The following N4BP2 variants were observed in gnomAD, a reference collection of about 807,000 sequenced individuals.
The protein encoded by N4BP2 is NEDD4-binding protein 2.
N4BP2 carries 91 observed loss-of-function variants against 152.8 expected under a neutral mutation model. The ratio of observed to expected loss-of-function variants is 0.60; its 90% CI spans 0.50 to 0.71. The LOEUF (loss-of-function observed/expected upper bound fraction) is 0.71. Ranked by LOEUF, N4BP2 falls within the 30% of genes least tolerant of loss-of-function variation. The pLI is 0.00. For missense variants in N4BP2, 1,923 were observed against 2,059.1 expected, an observed-to-expected ratio of 0.93 and a Z score of 1.28; for synonymous variants, 646 against 705.3, an observed-to-expected ratio of 0.92 and a Z score of 1.33.
At chr4:40,126,755 G>A (rs1315304692) in intron 12 of N4BP2, among the ~76,000 whole-genome samples, 1 of 151,790 alleles carries the variant, frequency 6.6e-6, no homozygotes, top group South Asian at 2.1e-4. Context: ...ACCATGCCTG[G>A]GTATTTTTAT....
At chr4:40,173,108 A>G in the N4BP2 span, among the ~76,000 whole-genome samples, 1 of 151,952 alleles carries the variant, frequency 6.6e-6, no homozygotes, top group Non-Finnish European at 1.5e-5. Context: ...ATCTAACTCT[A>G]CTATCACCAT....
intron 2 of N4BP2, among the ~76,000 whole-genome samples, chr4:40,087,883 C>T (rs899784440): frequency 2.6e-5 from 4 of 151,890 alleles, no homozygotes; most frequent in African/African-American, 4.8e-5. Flanking sequence ...TACAGGCATG[C>T]GCCACAATGC....
chr4:40,169,166 T>C, the N4BP2 span, among the ~76,000 whole-genome samples: 2 of 152,026 alleles, frequency 1.3e-5, no homozygotes, highest in African/African-American at 4.8e-5. Flanking sequence ...GGGGATCATC[T>C]GAGGTCAGGA....
At chr4:40,108,691 A>G (rs1279723156) in intron 5 of N4BP2, among the ~76,000 whole-genome samples, 1 of 152,214 alleles carries the variant, frequency 6.6e-6, no homozygotes, top group Non-Finnish European at 1.5e-5. Flanking sequence ...CATCATAGGT[A>G]AAAATTTAGT....
rs531530348 is a variant in N4BP2, at chr4:40,074,038, C to G, written c.-115+487C>G. 7.9e-5 allele frequency among the ~76,000 whole-genome samples: 12 copies of G among 151,820 alleles called. No homozygotes were observed. The South Asian group carries it at 2.3e-3, about 29-fold the overall frequency. On this transcript the variant is annotated intron_variant, in intron 2 of 17. Coordinates refer to ENST00000261435, the MANE Select transcript of N4BP2 (RefSeq NM_018177.6). ...AACTCCCAACCTCAGGTGATCCGCC[C>G]GCCTCAGCCTCCCAAAGTACTGGGA... is the stretch of plus-strand genomic sequence containing the variant.
chr4:40,137,864 C>T (rs563901191), intron 14 of N4BP2, among the ~76,000 whole-genome samples: 2 of 152,300 alleles, frequency 1.3e-5, no homozygotes, highest in South Asian at 4.1e-4. Flanking sequence ...GGGACTTCCC[C>T]TGGTTGTCTG....
At position 40,103,000 on chromosome 4, in the gene N4BP2, C is replaced by A. The variant is rs778070236; in HGVS notation, c.1155C>A (p.Thr385=). 3 of 1,613,994 alleles carry A rather than the reference C, an allele frequency of 1.9e-6. No individual in the cohort carries two copies. The South Asian group carries it at 3.3e-5, about 18-fold the overall frequency. ...ATGGCTTTGTAGCTCCTGTTGTAAC[C>A]ACAGCTGCACACTGGAGATCTGTCA... is the stretch of plus-strand genomic sequence containing the variant. The part of the protein sequence containing the change: ...GNHGFVAPVV[T]TAAHWRSVNY... Residue 385 remains threonine, a synonymous_variant, in exon 4 of 18, where the codon ACC becomes ACA. Coordinates refer to ENST00000261435, the MANE Select transcript of N4BP2 (RefSeq NM_018177.6).
chr4:40,145,706 A>G (rs1720451496), intron 16 of N4BP2, among the ~76,000 whole-genome samples: 1 of 152,224 alleles, frequency 6.6e-6, no homozygotes, highest in Non-Finnish European at 1.5e-5. Context: ...TACTCAATAA[A>G]TATTTGATTA....
chr4:40,092,043 T>TATATAG (rs1714653812), intron 2 of N4BP2, among the ~76,000 whole-genome samples: 1 of 108,142 alleles, frequency 9.2e-6, no homozygotes, highest in South Asian at 3.0e-4. Context: ...TATATATATA[T>TATATAG]ATAGCTGAAT....
rs1279971574 is a variant in N4BP2 at position 40,142,696 on chromosome 4, A to G, written c.4809A>G (p.Glu1603=). The change falls in exon 15 of 18, where the codon GAA becomes GAG. Residue 1603 remains glutamate (E), a synonymous_variant. Transcript: ENST00000261435. ...AGCCAAAGAAATTAAAAGAGACTGA[A>G]GAAACACCAAGTGAACTGTCTTTCC... ...EKKPKKLKET[E]ETPSELSFQD... 1.9e-5 allele frequency: 31 copies of G among 1,610,572 alleles called. No individual in the cohort carries two copies. The highest frequency in any genetic ancestry group is 4.5e-5 in the East Asian group (2 of 44,868).
At chr4:40,188,183 G>A in the N4BP2 span, among the ~76,000 whole-genome samples, 424 of 152,340 alleles carry the variant, frequency 2.8e-3, 3 homozygotes, top group Non-Finnish European at 5.2e-3. Flanking sequence ...TACTCACTTA[G>A]TGGAGAGACC....
chr4:40,089,104 C>T (rs966205470), intron 2 of N4BP2, among the ~76,000 whole-genome samples: 1 of 152,064 alleles, frequency 6.6e-6, no homozygotes, highest in African/African-American at 2.4e-5. Flanking sequence ...GCACGTGCCA[C>T]CATGCCTGGC....
chr4:40,115,905 T>G (rs1161934437), intron 7 of N4BP2, among the ~76,000 whole-genome samples: 2 of 152,224 alleles, frequency 1.3e-5, no homozygotes, highest in Non-Finnish European at 2.9e-5. Flanking sequence ...AAATCTCCCT[T>G]TATTATGTTG....
At chr4:40,098,808 CA>C (rs1422714855) in intron 3 of N4BP2, among the ~76,000 whole-genome samples, 1 of 152,110 alleles carries the variant, frequency 6.6e-6, no homozygotes, top group Non-Finnish European at 1.5e-5. Context: ...TATACCATAA[CA>C]AAAAAACTTT....
In N4BP2 at chr4:40,102,066, G is replaced by T; in HGVS notation, c.230-9G>T. Reference sequence around the variant, plus strand: ...TTTTGTTGTTGTTATTATTCTTGTTGTTGTACAGTTGAAAATGCTATGGAT... The same window carrying T: ...TTTTGTTGTTGTTATTATTCTTGTTTTTGTACAGTTGAAAATGCTATGGAT... On this transcript the variant is annotated splice_polypyrimidine_tract_variant and intron_variant, in intron 3 of 17. Transcript: ENST00000261435. The T allele has an allele frequency of 1.3e-6, 2 of 1,511,368 alleles. No homozygotes were observed. Among genetic ancestry groups the T allele is most frequent in the Non-Finnish European group, 8.9e-7 (1 of 1,118,132 alleles). The allele number at this position is 1,511,368 out of a possible 1,614,324, so 93.6% of individuals were successfully genotyped here.
intron 8 of N4BP2, among the ~76,000 whole-genome samples, chr4:40,119,249 T>C (rs1163585249): frequency 6.6e-6 from 1 of 152,104 alleles, no homozygotes; most frequent in African/African-American, 2.4e-5. Context: ...CAGCGTTAGG[T>C]ATGATTTCAC....
rs1211280211 is a variant in N4BP2, at chr4:40,157,974, T to A, written c.*3737T>A. 6.6e-6 allele frequency: 1 copy of A among 152,142 alleles called. No homozygotes were observed. Among genetic ancestry groups the A allele is most frequent in the Admixed American group, 6.5e-5 (1 of 15,272 alleles). 9.4% of individuals were successfully genotyped at this position (152,142 alleles called of 1,614,324 possible). A position where few individuals can be genotyped will look rare whatever the true frequency, so the allele number is the denominator to read the frequency against. On this transcript the variant is annotated 3_prime_UTR_variant, in exon 18 of 18. Coordinates refer to ENST00000261435, the MANE Select transcript of N4BP2 (RefSeq NM_018177.6). ...TTTCCTTAAAGTTGAGCAATTGACT[T>A]TTATGGTCCAATGATGAACTTATTA... is the stretch of plus-strand genomic sequence containing the variant.
chr4:40,091,341 A>C (rs568351993), intron 2 of N4BP2, among the ~76,000 whole-genome samples: 1 of 151,680 alleles, frequency 6.6e-6, no homozygotes, highest in South Asian at 2.1e-4. Flanking sequence ...CTTTTTCCTG[A>C]TGTTAGGAGG....
intron 4 of N4BP2, among the ~76,000 whole-genome samples, chr4:40,105,838 A>G (rs1186609784): frequency 6.6e-6 from 1 of 152,172 alleles, no homozygotes; most frequent in Non-Finnish European, 1.5e-5. Flanking sequence ...GGCATGAGCT[A>G]CCATACCCAG....
Sources: allele counts gnomAD v4.1 joint callset (sites outside exome capture counted in the v4.1 genomes callset), GRCh38; gene constraint gnomAD v4.1.1; transcripts MANE v1.5; gene names NCBI Gene and HGNC (gene_info 2026-07-23, HGNC 2026-07-21).